The following SLC16A9 variants were observed in gnomAD, a reference collection of about 807,000 sequenced individuals.
SLC16A9 encodes the protein solute carrier family 16 member 9.
Under a neutral mutation model 44.3 loss-of-function variants are expected in SLC16A9, and 26 were observed. The ratio of observed to expected loss-of-function variants is 0.59; its 90% CI spans 0.43 to 0.81. The LOEUF (loss-of-function observed/expected upper bound fraction) is 0.81. SLC16A9 is among the 40% of genes least tolerant of loss of function. SLC16A9 has a pLI of 0.00. For synonymous variants in SLC16A9, 230 were observed against 225.1 expected, an observed-to-expected ratio of 1.02 and a Z score of -0.19; for missense variants, 559 against 595.8, an observed-to-expected ratio of 0.94 and a Z score of 0.64.
At chr10:59,660,508 A>C (rs532277660) in intron 4 of SLC16A9, among the ~76,000 whole-genome samples, 1 of 152,316 alleles carries the variant, frequency 6.6e-6, no homozygotes, top group African/African-American at 2.4e-5. Context: ...GGCAGTGATT[A>C]ATAGCCTACC....
At chr10:59,670,911 AT>A (rs1839734977) in intron 3 of SLC16A9, among the ~76,000 whole-genome samples, 1 of 152,292 alleles carries the variant, frequency 6.6e-6, no homozygotes, top group Admixed American at 6.5e-5. Flanking sequence ...AATATTAATA[AT>A]TTGCCAGCAA....
chr10:59,672,863 T>C lies in SLC16A9; in HGVS notation c.247A>G (p.Ile83Val), dbSNP rs1018704888. 60 of 1,613,640 alleles carry C rather than the reference T, an allele frequency of 3.7e-5. No individual in the cohort carries two copies. Among genetic ancestry groups the C allele is most frequent in the Admixed American group, 6.7e-5 (4 of 59,960 alleles). ...CCAGCCACCATGAAGCCACTGAAGA[T>C]TGTGACAGGTCTTGCTCCAAAAGAT... is the stretch of plus-strand genomic sequence containing the variant. ...VSSFGARPVT[I>V]FSGFMVAGGL... is the part of the protein sequence containing the mutation. The change falls in exon 3 of 6, where the codon ATC becomes GTC. Residue 83 changes from isoleucine to valine, a missense_variant. By Grantham distance (29) the Ile-to-Val change is conservative. Coordinates refer to ENST00000395348, the MANE Select transcript of SLC16A9 (RefSeq NM_194298.3).
In SLC16A9 at chr10:59,652,006, G is replaced by A. The variant is rs1037726999; in HGVS notation, c.*766C>T. 9 of 152,192 alleles carry A rather than the reference G, an allele frequency of 5.9e-5. No individual in the cohort carries two copies. Among genetic ancestry groups the A allele is most frequent in the Non-Finnish European group, 1.3e-4 (9 of 68,042 alleles). The allele number at this position is 152,192 out of a possible 1,614,324, so 9.4% of individuals were successfully genotyped here. On this transcript the variant is annotated 3_prime_UTR_variant, in exon 6 of 6. Coordinates refer to ENST00000395348, the MANE Select transcript of SLC16A9 (RefSeq NM_194298.3). ...GCACTTCCCAGGAAACATCAGCTGAGTGGATGGCCAAGAAGCAAAAGTGAG... is the reference window on the plus strand; with the variant it reads ...GCACTTCCCAGGAAACATCAGCTGAATGGATGGCCAAGAAGCAAAAGTGAG...
At chr10:59,684,690 G>A (rs1416681923) in intron 1 of SLC16A9, among the ~76,000 whole-genome samples, 2 of 152,124 alleles carry the variant, frequency 1.3e-5, no homozygotes, top group Non-Finnish European at 2.9e-5. Context: ...TTCCTAGCAA[G>A]AAGTAGACTG....
intron 4 of SLC16A9, among the ~76,000 whole-genome samples, chr10:59,660,865 A>G (rs1484172314): frequency 1.3e-5 from 2 of 152,226 alleles, no homozygotes; most frequent in Non-Finnish European, 2.9e-5. Context: ...AAATCAATAA[A>G]TGTAATCCAT....
At chr10:59,704,462 C>CA (rs1162709740) in intron 1 of SLC16A9, among the ~76,000 whole-genome samples, 2 of 152,194 alleles carry the variant, frequency 1.3e-5, no homozygotes, top group Non-Finnish European at 2.9e-5. Flanking sequence ...ATCCTTTACT[C>CA]ACCAATCCAT....
At chr10:59,688,095 TG>T (rs1233593486) in intron 1 of SLC16A9, among the ~76,000 whole-genome samples, 3 of 152,200 alleles carry the variant, frequency 2.0e-5, no homozygotes, top group Non-Finnish European at 4.4e-5. Flanking sequence ...CCACTTAACC[TG>T]TACCTTCCAT....
intron 3 of SLC16A9, among the ~76,000 whole-genome samples, chr10:59,671,853 C>T (rs925067831): frequency 1.3e-5 from 2 of 152,106 alleles, no homozygotes; most frequent in Non-Finnish European, 2.9e-5. Flanking sequence ...CTTCACTTTC[C>T]CTCTCTGTAA....
intron 3 of SLC16A9, among the ~76,000 whole-genome samples, chr10:59,671,277 T>A (rs1378834754): frequency 6.6e-6 from 1 of 152,048 alleles, no homozygotes; most frequent in Admixed American, 6.5e-5. Flanking sequence ...ATCCACTAAA[T>A]GAAGGAAAGG....
chr10:59,695,806 C>T (rs1840358330), intron 1 of SLC16A9, among the ~76,000 whole-genome samples: 1 of 152,158 alleles, frequency 6.6e-6, no homozygotes, highest in Non-Finnish European at 1.5e-5. Context: ...TTCAGGGTTT[C>T]CGAGGTCAAC....
At chr10:59,708,526 A>G (rs928684452) in intron 1 of SLC16A9, 7 of 152,248 alleles carry the variant, frequency 4.6e-5, no homozygotes, top group Non-Finnish European at 8.8e-5. Flanking sequence ...ACTGTTATTC[A>G]GTTAATTCAA....
chr10:59,693,097 A>G (rs1276525751), intron 1 of SLC16A9, among the ~76,000 whole-genome samples: 3 of 152,200 alleles, frequency 2.0e-5, no homozygotes, highest in Admixed American at 1.3e-4. Context: ...AAGCAATTTC[A>G]TTTTATACTG....
At chr10:59,677,200 G>C (rs1297064447) in intron 2 of SLC16A9, among the ~76,000 whole-genome samples, 3 of 151,586 alleles carry the variant, frequency 2.0e-5, no homozygotes, top group Non-Finnish European at 4.4e-5. Flanking sequence ...GTCAGTATTG[G>C]TGTTTAGAAG....
At chr10:59,673,003 A>G (rs1378294038) in intron 2 of SLC16A9, 90 bp from the exon 3 acceptor site, 2 of 1,255,714 alleles carry the variant, frequency 1.6e-6, no homozygotes, top group Admixed American at 2.4e-5. Context: ...AACAACAAAA[A>G]TAAAATGCAC....
chr10:59,688,510 AC>A (rs1476423262), intron 1 of SLC16A9, among the ~76,000 whole-genome samples: 1 of 152,138 alleles, frequency 6.6e-6, no homozygotes, highest in Non-Finnish European at 1.5e-5. Flanking sequence ...AATTATCCAA[AC>A]TTCCAAATCA....
chr10:59,681,798 GTA>G (rs1840025540), intron 2 of SLC16A9, among the ~76,000 whole-genome samples: 2 of 40,986 alleles, frequency 4.9e-5, no homozygotes, highest in African/African-American at 1.5e-4. Context: ...ATATGTATAT[GTA>G]TATGTATATG....
intron 1 of SLC16A9, among the ~76,000 whole-genome samples, chr10:59,707,585 CAAAA>C (rs35376586): frequency 5.5e-5 from 7 of 127,502 alleles, no homozygotes; most frequent in Admixed American, 1.5e-4. Context: ...CTCACCACAC[CAAAA>C]AAAAAAAAAA....
chr10:59,664,103 A>T lies in SLC16A9; in HGVS notation c.436+124T>A, dbSNP rs1839549498. 4 of 427,714 alleles carry T rather than the reference A, an allele frequency of 9.4e-6. No individual in the cohort carries two copies. In the South Asian group the frequency reaches 2.6e-4, roughly 28 times the overall value. The allele number at this position is 427,714 out of a possible 1,614,324, so 26.5% of individuals were successfully genotyped here. ...ATAAACTTTCCTTCCAGAAGTAAAG[A>T]AATTATTTTGCTACCTGATTGGTAG... On this transcript the variant is annotated intron_variant, in intron 4 of 5. Coordinates refer to ENST00000395348, the MANE Select transcript of SLC16A9 (RefSeq NM_194298.3).
chr10:59,709,190 C>T (rs1345298123), intron 1 of SLC16A9, among the ~76,000 whole-genome samples: 3 of 152,150 alleles, frequency 2.0e-5, no homozygotes, highest in Non-Finnish European at 2.9e-5. Flanking sequence ...GTACCACCCC[C>T]AGGACCCCCT....
Sources: gnomAD v4.1 joint callset for allele counts (sites outside exome capture counted in the v4.1 genomes callset) on GRCh38, gnomAD v4.1.1 for gene constraint, MANE v1.5 for transcripts, NCBI Gene and HGNC (gene_info 2026-07-23, HGNC 2026-07-21) for gene names.